Variants in HS6ST1 observed in about 807,000 individuals in gnomAD.
The protein encoded by HS6ST1 is heparan sulfate 6-O-sulfotransferase 1, also known as heparan-sulfate 6-O-sulfotransferase 1.
Under a neutral mutation model 25.2 loss-of-function variants are expected in HS6ST1, and 3 were observed. That is an observed-to-expected ratio of 0.12 (90% CI 0.05 to 0.31). The LOEUF is 0.31. Among genes scored for constraint, HS6ST1 ranks in the 10% least tolerant of loss-of-function variants. The pLI is 1.00. For synonymous variants in HS6ST1, 204 were observed against 275.1 expected (o/e 0.74, Z 2.56); for missense variants, 310 against 609.6 (o/e 0.51, Z 5.18).
At chr2:128,269,364 C>T (rs1693575532) in intron 1 of HS6ST1, among the ~76,000 whole-genome samples, 1 of 152,172 alleles carries the variant, frequency 6.6e-6, no homozygotes, top group Non-Finnish European at 1.5e-5. Flanking sequence ...CCCAGCGGAC[C>T]AGCCAGCCCA....
At chr2:128,286,681 TAAA>T (rs2104921435) in intron 1 of HS6ST1, among the ~76,000 whole-genome samples, 1 of 152,252 alleles carries the variant, frequency 6.6e-6, no homozygotes, top group South Asian at 2.1e-4. Context: ...TGTTAAAAAA[TAAA>T]AAACAAGAGG....
chr2:128,274,343 T>C (rs1186027596), intron 1 of HS6ST1, among the ~76,000 whole-genome samples: 1 of 152,148 alleles, frequency 6.6e-6, no homozygotes, highest in East Asian at 1.9e-4. Flanking sequence ...GGCATGCTTC[T>C]CCATTGCAAC....
At chr2:128,317,026 CAAG>C (rs1452729864) in intron 1 of HS6ST1, among the ~76,000 whole-genome samples, 1 of 152,248 alleles carries the variant, frequency 6.6e-6, no homozygotes, top group Non-Finnish European at 1.5e-5. Context: ...AAAAGGCAGA[CAAG>C]AAGCCCTGCT....
In HS6ST1 at chr2:128,268,877, G is replaced by A; in HGVS notation, c.528-7C>T. 1 of 1,602,822 alleles carries A rather than the reference G, an allele frequency of 6.2e-7. No individual in the cohort carries two copies. Among genetic ancestry groups the A allele is most frequent in the South Asian group, 1.1e-5 (1 of 91,020 alleles). ...GGTGATGTAGTAGAACTTCCTGCAA[G>A]GAGACGGGGAGAGGAGGTGAGGGCT... On this transcript the variant is annotated splice_polypyrimidine_tract_variant and splice_region_variant and intron_variant, in intron 1 of 1. Coordinates refer to ENST00000259241, the MANE Select transcript of HS6ST1 (RefSeq NM_004807.3).
At chr2:128,282,553 C>G (rs1327713934) in intron 1 of HS6ST1, among the ~76,000 whole-genome samples, 1 of 152,250 alleles carries the variant, frequency 6.6e-6, no homozygotes, top group East Asian at 1.9e-4. Context: ...GCACTGCCAG[C>G]CCCTGCTGGG....
intron 1 of HS6ST1, among the ~76,000 whole-genome samples, chr2:128,271,770 C>T (rs961841033): frequency 3.9e-5 from 6 of 152,348 alleles, no homozygotes; most frequent in Admixed American, 6.5e-5. Context: ...CGGGTGGGCA[C>T]GAGGGCCCCG....
At chr2:128,307,493 A>G (rs564494609) in intron 1 of HS6ST1, among the ~76,000 whole-genome samples, 1 of 152,356 alleles carries the variant, frequency 6.6e-6, no homozygotes, top group East Asian at 1.9e-4. Context: ...ACATGGAGAA[A>G]TGATGAACAG....
intron 1 of HS6ST1, among the ~76,000 whole-genome samples, chr2:128,314,956 C>G (rs1025292232): frequency 2.0e-5 from 3 of 152,220 alleles, no homozygotes; most frequent in African/African-American, 7.2e-5. Context: ...GAGGTTCTGG[C>G]TCTGGAGCAC....
intron 1 of HS6ST1, among the ~76,000 whole-genome samples, chr2:128,314,254 C>T (rs939019491): frequency 1.1e-4 from 16 of 151,986 alleles, no homozygotes; most frequent in African/African-American, 3.4e-4. Context: ...GTCTGCCCCA[C>T]CAAGGAGTCC....
intron 1 of HS6ST1, among the ~76,000 whole-genome samples, chr2:128,290,362 C>T (rs1242339410): frequency 2.0e-5 from 3 of 152,074 alleles, no homozygotes; most frequent in Admixed American, 2.0e-4. Context: ...CAACATAATC[C>T]TAATACCGAA....
intron 1 of HS6ST1, among the ~76,000 whole-genome samples, chr2:128,279,483 C>T (rs1192768701): frequency 1.3e-5 from 2 of 152,070 alleles, no homozygotes; most frequent in South Asian, 2.1e-4. Context: ...ATTCTAGCCC[C>T]CAAGGACAAG....
intron 1 of HS6ST1, among the ~76,000 whole-genome samples, chr2:128,271,552 G>A (rs746185623): frequency 3.9e-5 from 6 of 152,192 alleles, no homozygotes; most frequent in Admixed American, 2.0e-4. Context: ...GAAATGCGAG[G>A]GAGGGAGCAC....
intron 1 of HS6ST1, among the ~76,000 whole-genome samples, chr2:128,291,847 T>G (rs1693956954): frequency 6.6e-6 from 1 of 152,222 alleles, no homozygotes; most frequent in Admixed American, 6.5e-5. Context: ...CCACAGGCTC[T>G]TCCCCAAGGG....
intron 1 of HS6ST1, among the ~76,000 whole-genome samples, chr2:128,307,002 G>A (rs974906478): frequency 6.6e-6 from 1 of 151,746 alleles, no homozygotes; most frequent in African/African-American, 2.4e-5. Context: ...TCTGGGAAAC[G>A]CCCACCCAGA....
chr2:128,313,324 C>T (rs971240153), intron 1 of HS6ST1, among the ~76,000 whole-genome samples: 1 of 152,196 alleles, frequency 6.6e-6, no homozygotes, highest in African/African-American at 2.4e-5. Flanking sequence ...GAATGAGCAA[C>T]CTGCGCACTC....
intron 1 of HS6ST1, among the ~76,000 whole-genome samples, chr2:128,306,967 G>C (rs770645028): frequency 2.0e-5 from 3 of 152,014 alleles, no homozygotes; most frequent in Non-Finnish European, 4.4e-5. Context: ...GGCCGGGCTT[G>C]GGGGGTGACA....
At chr2:128,317,094 C>A (rs572069414) in intron 1 of HS6ST1, among the ~76,000 whole-genome samples, 19 of 152,378 alleles carry the variant, frequency 1.2e-4, no homozygotes, top group African/African-American at 4.1e-4. Context: ...GGCATCCCTG[C>A]AGGACGAATG....
At chr2:128,270,098 C>A (rs532478094) in intron 1 of HS6ST1, among the ~76,000 whole-genome samples, 1 of 152,196 alleles carries the variant, frequency 6.6e-6, no homozygotes, top group Non-Finnish European at 1.5e-5. Flanking sequence ...CTGAAGCAGG[C>A]GGGGTAGCCA....
chr2:128,297,881 A>AC (rs1694063593), intron 1 of HS6ST1, among the ~76,000 whole-genome samples: 1 of 152,226 alleles, frequency 6.6e-6, no homozygotes, highest in Non-Finnish European at 1.5e-5. Flanking sequence ...GCATCAAAGG[A>AC]TAGTATCAAC....
Sources: allele counts gnomAD v4.1 joint callset (sites outside exome capture counted in the v4.1 genomes callset), GRCh38; gene constraint gnomAD v4.1.1; transcripts MANE v1.5; gene names NCBI Gene and HGNC (gene_info 2026-07-23, HGNC 2026-07-21).